TENT2: variants seen among roughly 807,000 people sequenced by gnomAD.
TENT2 encodes the protein terminal nucleotidyltransferase 2.
Under a neutral mutation model 72.2 loss-of-function variants are expected in TENT2, and 44 were observed. The observed-to-expected ratio is 0.61, with a 90% CI of 0.48 to 0.78. The LOEUF (loss-of-function observed/expected upper bound fraction) is 0.78, where lower values mean the gene tolerates loss of function less well. Among genes scored for constraint, TENT2 ranks in the 30% least tolerant of loss-of-function variants. The pLI, the probability that TENT2 is intolerant of heterozygous loss-of-function variation, is 0.00. For synonymous variants in TENT2, 212 were observed against 192.5 expected (o/e 1.10, Z -0.84); for missense variants, 541 against 569.6 (o/e 0.95, Z 0.51).
At position 79,663,143 on chromosome 5, in the gene TENT2, A is replaced by G. The variant is rs71634983; in HGVS notation, c.1072-5749A>G. Among the ~76,000 whole-genome samples, 782 of 152,294 alleles carry G rather than the reference A, an allele frequency of 5.1e-3. 3 individuals carry two copies. Among genetic ancestry groups the G allele is most frequent in the Middle Eastern group, 0.01 (3 of 294 alleles). ...CTTCTGCAGCTTCCTCACCTCTGTC[A>G]TCCTTCATAGAATTGAAGAGAGAGT... On this transcript the variant is annotated intron_variant, in intron 11 of 14. Transcript: ENST00000453514.
intron 14 of TENT2, among the ~76,000 whole-genome samples, chr5:79,683,338 C>T (rs1373467458): frequency 6.6e-6 from 1 of 151,522 alleles, no homozygotes; most frequent in South Asian, 2.1e-4. Flanking sequence ...CACACACACA[C>T]ACACCCCACC....
intron 4 of TENT2, among the ~76,000 whole-genome samples, chr5:79,636,800 G>A (rs985371055): frequency 1.3e-5 from 2 of 151,978 alleles, no homozygotes; most frequent in African/African-American, 4.8e-5. Flanking sequence ...TACAAATCCT[G>A]CACATCTCTT....
chr5:79,629,272 G>A (rs1055341049), intron 4 of TENT2, among the ~76,000 whole-genome samples: 13 of 152,146 alleles, frequency 8.5e-5, no homozygotes, highest in African/African-American at 2.9e-4. Flanking sequence ...TCACATATAA[G>A]TTAATTGGTA....
intron 2 of TENT2, 27 bp from the exon 3 acceptor site, chr5:79,619,967 T>A: frequency 1.3e-6 from 2 of 1,538,684 alleles, no homozygotes; most frequent in South Asian, 2.4e-5. Flanking sequence ...ATGTATAAAT[T>A]ACTGTTCTTT....
At chr5:79,672,336 G>T (rs1464629580) in intron 12 of TENT2, among the ~76,000 whole-genome samples, 3 of 152,054 alleles carry the variant, frequency 2.0e-5, no homozygotes, top group African/African-American at 7.2e-5. Context: ...TCCTGTTTTA[G>T]TTATTTTTAA....
intron 10 of TENT2, among the ~76,000 whole-genome samples, chr5:79,651,947 C>T (rs1794463721): frequency 6.6e-6 from 1 of 152,048 alleles, no homozygotes; most frequent in Non-Finnish European, 1.5e-5. Flanking sequence ...CAGAATTTCA[C>T]TTGAACATGT....
intron 4 of TENT2, among the ~76,000 whole-genome samples, chr5:79,632,027 A>G (rs930801897): frequency 2.6e-5 from 4 of 152,184 alleles, no homozygotes; most frequent in South Asian, 2.1e-4. Flanking sequence ...GGAGAAGATA[A>G]AGTAGGATAT....
chr5:79,631,587 G>C (rs573624448), intron 4 of TENT2, among the ~76,000 whole-genome samples: 1 of 152,298 alleles, frequency 6.6e-6, no homozygotes, highest in African/African-American at 2.4e-5. Flanking sequence ...GTTGAGGAAA[G>C]AATAGGAGAA....
chr5:79,667,741 T>C lies in TENT2; in HGVS notation c.1072-1151T>C, dbSNP rs549055994. ...TTTTGTTTTCTTGCTCCTTTGTTTTTATTCATATTTTGGGGGCACTAGCAT... is the reference window on the plus strand; with the variant it reads ...TTTTGTTTTCTTGCTCCTTTGTTTTCATTCATATTTTGGGGGCACTAGCAT... On this transcript the variant is annotated intron_variant, in intron 11 of 14. Transcript: ENST00000453514. 4.7e-4 allele frequency among the ~76,000 whole-genome samples: 71 copies of C among 152,262 alleles called. 1 individual carries two copies. In the South Asian group the frequency reaches 8.7e-3, roughly 19 times the overall value.
chr5:79,632,572 G>A (rs1254434354), intron 4 of TENT2, among the ~76,000 whole-genome samples: 2 of 152,120 alleles, frequency 1.3e-5, no homozygotes, highest in East Asian at 3.8e-4. Flanking sequence ...TTTGAATTTT[G>A]AGTTGAAATG....
chr5:79,673,445 A>C (rs1299731109), intron 12 of TENT2, among the ~76,000 whole-genome samples: 1 of 151,836 alleles, frequency 6.6e-6, no homozygotes, highest in East Asian at 1.9e-4. Context: ...TGAATTCTTC[A>C]ATCAATTTTG....
At chr5:79,629,836 A>G (rs1426234672) in intron 4 of TENT2, among the ~76,000 whole-genome samples, 1 of 149,678 alleles carries the variant, frequency 6.7e-6, no homozygotes, top group Non-Finnish European at 1.5e-5. Context: ...CAAAAAAAAA[A>G]TAATAACCAT....
intron 9 of TENT2, 26 bp downstream of exon 9, chr5:79,648,719 A>G: frequency 1.3e-6 from 2 of 1,514,172 alleles, no homozygotes; most frequent in Non-Finnish European, 1.8e-6. Context: ...GTTTATTAAA[A>G]ATTAGCCTTT....
At chr5:79,675,447 GA>G (rs1561586309) in intron 12 of TENT2, among the ~76,000 whole-genome samples, 1 of 152,120 alleles carries the variant, frequency 6.6e-6, no homozygotes, top group African/African-American at 2.4e-5. Flanking sequence ...GAAGTAAGAC[GA>G]AAGTATGAAT....
At chr5:79,639,439 T>C (rs1782674145) in intron 4 of TENT2, among the ~76,000 whole-genome samples, 1 of 152,026 alleles carries the variant, frequency 6.6e-6, no homozygotes, top group African/African-American at 2.4e-5. Context: ...TTTTCAGTTT[T>C]GTTTCTTAGC....
At chr5:79,682,524 AT>A (rs1251932095) in intron 14 of TENT2, among the ~76,000 whole-genome samples, 1 of 148,032 alleles carries the variant, frequency 6.8e-6, no homozygotes, top group African/African-American at 2.5e-5. Context: ...ACTTCAGGTG[AT>A]TCACCCCCGT....
chr5:79,614,082 G>C (rs1757379704), intron 1 of TENT2: 1 of 146,080 alleles, frequency 6.8e-6, no homozygotes, highest in South Asian at 2.2e-4. Flanking sequence ...GAAATTACTA[G>C]GAATTAATCT....
intron 11 of TENT2, among the ~76,000 whole-genome samples, chr5:79,666,227 G>A (rs996226164): frequency 6.9e-6 from 1 of 143,992 alleles, no homozygotes; most frequent in South Asian, 2.1e-4. Context: ...GACCTCGAGG[G>A]AACCGCTCGC....
At chr5:79,664,119 T>A (rs1174365179) in intron 11 of TENT2, among the ~76,000 whole-genome samples, 4 of 152,198 alleles carry the variant, frequency 2.6e-5, no homozygotes, top group Non-Finnish European at 1.5e-5. Context: ...ATAGGTTATA[T>A]GCAAATACTT....
Sources: gnomAD v4.1 joint callset for allele counts (sites outside exome capture counted in the v4.1 genomes callset) on GRCh38, gnomAD v4.1.1 for gene constraint, MANE v1.5 for transcripts, NCBI Gene and HGNC (gene_info 2026-07-23, HGNC 2026-07-21) for gene names.